The following SMIM19 variants were observed in gnomAD, a reference collection of about 807,000 sequenced individuals.
SMIM19 encodes small integral membrane protein 19, also known as UPF0697 protein C8orf40.
Under a neutral mutation model 13.2 loss-of-function variants are expected in SMIM19, and 6 were observed. That is an observed-to-expected ratio of 0.45 (90% confidence interval 0.25 to 0.90). The LOEUF is 0.90. Ranked by LOEUF, SMIM19 falls within the 40% of genes least tolerant of loss-of-function variation. The pLI, the probability that SMIM19 is intolerant of heterozygous loss-of-function variation, is 0.19. For synonymous variants in SMIM19, 46 were observed against 43.1 expected (o/e 1.07, Z -0.27); for missense variants, 138 against 131.0 (o/e 1.05, Z -0.26).
At position 42,553,719 on chromosome 8, in the gene SMIM19, C is replaced by G. The variant is rs532967290; in HGVS notation, c.*1111C>G. 1.1e-4 allele frequency: 16 copies of G among 152,340 alleles called. No homozygotes were observed. Among genetic ancestry groups the G allele is most frequent in the African/African-American group, 3.6e-4 (15 of 41,562 alleles). 9.4% of individuals were successfully genotyped at this position (152,340 alleles called of 1,614,324 possible). ...AGTGAGCTGGCTGGGCACGGTGGCT[C>G]ACGCCTGAAATCCCAGCACTTTGGG... On this transcript the variant is annotated 3_prime_UTR_variant, in exon 4 of 4. Transcript: ENST00000417410.
chr8:42,544,129 C>T (rs971888808), intron 1 of SMIM19, among the ~76,000 whole-genome samples: 7 of 152,118 alleles, frequency 4.6e-5, no homozygotes, highest in Admixed American at 2.0e-4. Context: ...TGTCAAATAC[C>T]GGCCGGGCGC....
Position 42,550,484 on chromosome 8 carries a change from C to T in SMIM19, c.259+1704C>T, listed in dbSNP as rs192213830. Among the ~76,000 whole-genome samples the T allele has an allele frequency of 1.1e-3, 173 of 152,250 alleles. 1 individual carries two copies. Among genetic ancestry groups the T allele is most frequent in the South Asian group, 4.8e-3 (23 of 4,814 alleles). On this transcript the variant is annotated intron_variant, in intron 3 of 3. Coordinates refer to ENST00000417410, the MANE Select transcript of SMIM19 (RefSeq NM_001135674.2). Reference sequence around the variant, plus strand: ...CCTCCAAGGAAAATCCCTGTCTTTGCCTCCTCCAGCTTCTCAGGGCCATCC... The same window carrying T: ...CCTCCAAGGAAAATCCCTGTCTTTGTCTCCTCCAGCTTCTCAGGGCCATCC...
At chr8:42,549,587 G>T (rs144747738) in intron 3 of SMIM19, among the ~76,000 whole-genome samples, 1 of 152,238 alleles carries the variant, frequency 6.6e-6, no homozygotes, top group Non-Finnish European at 1.5e-5. Context: ...TGGAAGAGGG[G>T]AATAGGGAGT....
intron 1 of SMIM19, among the ~76,000 whole-genome samples, chr8:42,543,242 C>A (rs1586320616): frequency 6.6e-6 from 1 of 152,268 alleles, no homozygotes; most frequent in South Asian, 2.1e-4. Context: ...CACTTGGTTA[C>A]ACTGTGGCAT....
intron 2 of SMIM19, 157 bp from the exon 3 acceptor site, chr8:42,548,499 T>G (rs1334883837): frequency 1.1e-6 from 1 of 877,376 alleles, no homozygotes; most frequent in Admixed American, 2.0e-5. Flanking sequence ...AAGAATACTT[T>G]GAGCCAAGGA....
rs899598389 is a variant in SMIM19 at position 42,554,384 on chromosome 8, T to G, written c.*1776T>G. The G allele has an allele frequency of 6.6e-6, 1 of 152,240 alleles. No homozygotes were observed. The allele number at this position is 152,240 out of a possible 1,614,324, so 9.4% of individuals were successfully genotyped here. A position where few individuals can be genotyped will look rare whatever the true frequency, so the allele number is the denominator to read the frequency against. ...GAGTGGTTTACTCGTCACTGACATG[T>G]GGCACAATCTGGACAAATTACACAA... On this transcript the variant is annotated 3_prime_UTR_variant, in exon 4 of 4. Transcript: ENST00000417410.
intron 1 of SMIM19, among the ~76,000 whole-genome samples, chr8:42,543,061 G>C (rs1289779169): frequency 1.3e-5 from 2 of 151,870 alleles, no homozygotes; most frequent in Non-Finnish European, 2.9e-5. Context: ...ATATTGGCAA[G>C]TTTATATACT....
chr8:42,551,177 G>T (rs1175822902), intron 3 of SMIM19, among the ~76,000 whole-genome samples: 1 of 152,028 alleles, frequency 6.6e-6, no homozygotes, highest in Non-Finnish European at 1.5e-5. Context: ...AATTAGCAGG[G>T]CATGATGGCG....
rs1813772817 is a variant in SMIM19, at chr8:42,554,785, T to C, written c.*2177T>C. 1 of 152,224 alleles carries C rather than the reference T, an allele frequency of 6.6e-6. No homozygotes were observed. The highest frequency in any genetic ancestry group is 2.1e-4 in the South Asian group (1 of 4,834). 9.4% of individuals were successfully genotyped at this position (152,224 alleles called of 1,614,324 possible). A position where few individuals can be genotyped will look rare whatever the true frequency, so the allele number is the denominator to read the frequency against. ...AGAACTGTTTTCTTTGGAAGAAAAA[T>C]GGAACTACTAATAAGCTAGTAATTA... On this transcript the variant is annotated 3_prime_UTR_variant, in exon 4 of 4. Coordinates refer to ENST00000417410, the MANE Select transcript of SMIM19 (RefSeq NM_001135674.2).
intron 1 of SMIM19, among the ~76,000 whole-genome samples, chr8:42,544,366 G>C (rs1270865634): frequency 6.6e-6 from 1 of 150,860 alleles, no homozygotes; most frequent in Non-Finnish European, 1.5e-5. Context: ...AGCCGAGATC[G>C]TGCCACTGCA....
At chr8:42,547,356 C>CG (rs1813525479) in intron 2 of SMIM19, among the ~76,000 whole-genome samples, 1 of 144,556 alleles carries the variant, frequency 6.9e-6, no homozygotes, top group East Asian at 2.0e-4. Flanking sequence ...GACTCCATCT[C>CG]AAAAAAAAAA....
At chr8:42,545,520 G>A (rs1237898038) in intron 1 of SMIM19, among the ~76,000 whole-genome samples, 1 of 152,078 alleles carries the variant, frequency 6.6e-6, no homozygotes, top group Non-Finnish European at 1.5e-5. Context: ...GCACAGCCAG[G>A]TGTTGAGTCT....
chr8:42,546,412 C>A, intron 1 of SMIM19, 57 bp from the exon 2 acceptor site: 1 of 1,523,732 alleles, frequency 6.6e-7, no homozygotes, highest in African/African-American at 1.4e-5. Flanking sequence ...AACCCTTCTC[C>A]AGACAGTGCT....
chr8:42,546,698 C>T, intron 2 of SMIM19, 92 bp downstream of exon 2: 4 of 1,487,898 alleles, frequency 2.7e-6, no homozygotes, highest in Non-Finnish European at 3.6e-6. Flanking sequence ...AAAGTAATTT[C>T]ATCAGGCTGG....
chr8:42,544,651 C>T (rs1260850539), intron 1 of SMIM19, among the ~76,000 whole-genome samples: 1 of 152,190 alleles, frequency 6.6e-6, no homozygotes, highest in Non-Finnish European at 1.5e-5. Flanking sequence ...TCAAATCACT[C>T]CTGCCCTCAG....
chr8:42,552,728 C>G lies in SMIM19; in HGVS notation c.*120C>G. On this transcript the variant is annotated 3_prime_UTR_variant, in exon 4 of 4. Coordinates refer to ENST00000417410, the MANE Select transcript of SMIM19 (RefSeq NM_001135674.2). ...AAATTATTTTACTTGTAACTTTTCC[C>G]CAATTGTTCTGTGCATTGTTTTGCC... 2 of 1,236,776 alleles carry G rather than the reference C, an allele frequency of 1.6e-6. No individual in the cohort carries two copies. The highest frequency in any genetic ancestry group is 2.7e-5 in the South Asian group (2 of 73,372). 76.6% of individuals were successfully genotyped at this position (1,236,776 alleles called of 1,614,324 possible).
At chr8:42,543,275 C>CA (rs1252402229) in intron 1 of SMIM19, among the ~76,000 whole-genome samples, 3 of 152,090 alleles carry the variant, frequency 2.0e-5, no homozygotes, top group African/African-American at 7.2e-5. Flanking sequence ...GGGACGGGGT[C>CA]ATAGTTCAGG....
chr8:42,554,027 C>T lies in SMIM19; in HGVS notation c.*1419C>T, dbSNP rs1447428512. The stretch of plus-strand genomic sequence containing the variant: ...ATAATGGCTTCAAGTATTTCATTTT[C>T]CCCTTATTGTGAAATAAACTATATA... On this transcript the variant is annotated 3_prime_UTR_variant, in exon 4 of 4. Transcript: ENST00000417410. The T allele has an allele frequency of 6.6e-6, 1 of 151,566 alleles. No individual in the cohort carries two copies. The highest frequency in any genetic ancestry group is 1.5e-5 in the Non-Finnish European group (1 of 67,958). 9.4% of individuals were successfully genotyped at this position (151,566 alleles called of 1,614,324 possible).
intron 2 of SMIM19, 55 bp from the exon 3 acceptor site, chr8:42,548,601 T>C: frequency 6.2e-7 from 1 of 1,604,674 alleles, no homozygotes; most frequent in Non-Finnish European, 8.5e-7. Context: ...ATGAGCATAT[T>C]ACAACTCTAT....
Sources: gnomAD v4.1 joint callset for allele counts (sites outside exome capture counted in the v4.1 genomes callset) on GRCh38, gnomAD v4.1.1 for gene constraint, MANE v1.5 for transcripts, NCBI Gene and HGNC (gene_info 2026-07-23, HGNC 2026-07-21) for gene names.